Variants in FARP1 observed in about 807,000 individuals in gnomAD.
FARP1 encodes FERM, ARHGEF and pleckstrin domain-containing protein 1.
In FARP1, 52 loss-of-function variants were observed where a neutral mutation model predicts 128.8. The observed-to-expected ratio is 0.40, with a 90% CI of 0.32 to 0.51. FARP1 has a LOEUF of 0.51. Among genes scored for constraint, FARP1 ranks in the 20% least tolerant of loss-of-function variants. The pLI is 0.45. For synonymous variants in FARP1, 580 were observed against 551.8 expected (o/e 1.05, Z -0.72); for missense variants, 1,333 against 1,367.9 (o/e 0.97, Z 0.40).
chr13:98,377,817 G>T lies in FARP1; in HGVS notation c.399-4G>T. On this transcript the variant is annotated splice_polypyrimidine_tract_variant and splice_region_variant and intron_variant, in intron 5 of 26. Coordinates refer to ENST00000319562, the MANE Select transcript of FARP1 (RefSeq NM_005766.4). ...CTGACGCCCAGCTCTGTTGATCTTCGCAGGTACCTGTTCGCGCTGCAGGTG... is the reference window on the plus strand; with the variant it reads ...CTGACGCCCAGCTCTGTTGATCTTCTCAGGTACCTGTTCGCGCTGCAGGTG... 2 of 1,612,644 alleles carry T rather than the reference G, an allele frequency of 1.2e-6. No individual in the cohort carries two copies. Among genetic ancestry groups the T allele is most frequent in the Non-Finnish European group, 8.5e-7 (1 of 1,178,752 alleles).
chr13:98,348,638 G>A (rs768232563), intron 3 of FARP1, among the ~76,000 whole-genome samples: 6 of 152,248 alleles, frequency 3.9e-5, no homozygotes, highest in Admixed American at 6.5e-5. Context: ...ATCCGTAGAC[G>A]ATGTGAAATG....
intron 2 of FARP1, among the ~76,000 whole-genome samples, chr13:98,297,970 T>C (rs1021666502): frequency 6.6e-6 from 1 of 152,200 alleles, no homozygotes; most frequent in African/African-American, 2.4e-5. Context: ...CATCATCCTG[T>C]GCGTTTGCAT....
At chr13:98,445,289 G>A (rs913162959) in intron 24 of FARP1, 1 of 152,296 alleles carries the variant, frequency 6.6e-6, no homozygotes, top group Admixed American at 6.5e-5. Flanking sequence ...GCCTTTACAA[G>A]GTGGTGCAAC....
chr13:98,349,463 G>C (rs1450032962), intron 3 of FARP1, among the ~76,000 whole-genome samples: 3 of 152,026 alleles, frequency 2.0e-5, no homozygotes, highest in Non-Finnish European at 1.5e-5. Context: ...CTTGAGGTCA[G>C]GTGATTGACA....
At chr13:98,378,598 T>A (rs1031641664) in intron 6 of FARP1, among the ~76,000 whole-genome samples, 1 of 152,128 alleles carries the variant, frequency 6.6e-6, no homozygotes, top group African/African-American at 2.4e-5. Context: ...TGCTATCATA[T>A]CACCTTTTAC....
At position 98,448,591 on chromosome 13, in the gene FARP1, C is replaced by A; in HGVS notation, c.*274C>A. ...TTGTCATTACGAGAGTGCCAAATGA[C>A]ATCTTCCCTCCACCCTGCCCCTGAA... is the stretch of plus-strand genomic sequence containing the variant. On this transcript the variant is annotated 3_prime_UTR_variant, in exon 27 of 27. Transcript: ENST00000319562. 1 of 405,778 alleles carries A rather than the reference C, an allele frequency of 2.5e-6. No homozygotes were observed. Among genetic ancestry groups the A allele is most frequent in the Non-Finnish European group, 4.5e-6 (1 of 224,182 alleles). The allele number at this position is 405,778 out of a possible 1,614,324, so 25.1% of individuals were successfully genotyped here.
At chr13:98,225,213 T>TA (rs1244850082) in intron 2 of FARP1, among the ~76,000 whole-genome samples, 1 of 152,218 alleles carries the variant, frequency 6.6e-6, no homozygotes, top group Non-Finnish European at 1.5e-5. Flanking sequence ...TTAGAGCTGT[T>TA]AAACGGGACG....
intron 2 of FARP1, among the ~76,000 whole-genome samples, chr13:98,274,796 A>G (rs1356159058): frequency 6.6e-6 from 1 of 152,198 alleles, no homozygotes; most frequent in Non-Finnish European, 1.5e-5. Flanking sequence ...AATCTCACAT[A>G]TTAAAAGCTG....
At chr13:98,358,316 C>T (rs765382814) in intron 3 of FARP1, among the ~76,000 whole-genome samples, 6 of 152,076 alleles carry the variant, frequency 3.9e-5, no homozygotes, top group East Asian at 1.9e-4. Flanking sequence ...CAGGCTGGGG[C>T]GCTCACAGGG....
At chr13:98,297,506 A>G (rs187086201) in intron 2 of FARP1, among the ~76,000 whole-genome samples, 1 of 152,344 alleles carries the variant, frequency 6.6e-6, no homozygotes, top group East Asian at 1.9e-4. Flanking sequence ...AACACAGCCT[A>G]GAGAGAAAGG....
At position 98,440,708 on chromosome 13, in the gene FARP1, G is replaced by A. The variant is rs1186692621; in HGVS notation, c.2668G>A (p.Glu890Lys). The A allele has an allele frequency of 9.3e-6, 15 of 1,613,578 alleles. No homozygotes were observed. The highest frequency in any genetic ancestry group is 1.2e-5 in the Non-Finnish European group (14 of 1,179,962). Residue 890 changes from glutamate (E) to lysine (K), a missense_variant, in exon 24 of 27, where the codon GAG becomes AAG. By Grantham distance (56) the Glu-to-Lys change is moderately conservative. Coordinates refer to ENST00000319562, the MANE Select transcript of FARP1 (RefSeq NM_005766.4). The stretch of plus-strand genomic sequence containing the variant: ...AGCCACCGCGGCTGACCAGGAGTCA[G>A]AGGATGACCTGAGCGCCTCGCGCAC... ...DEATAADQES[E>K]DDLSASRTSL...
chr13:98,219,875 C>T (rs1333076308), intron 2 of FARP1, among the ~76,000 whole-genome samples: 7 of 151,832 alleles, frequency 4.6e-5, no homozygotes, highest in Admixed American at 3.9e-4. Context: ...CGCTATGTTG[C>T]CCAGGCTGGT....
chr13:98,314,621 A>C (rs1886644668), intron 2 of FARP1, among the ~76,000 whole-genome samples: 1 of 152,186 alleles, frequency 6.6e-6, no homozygotes, highest in South Asian at 2.1e-4. Context: ...GACGGCTCAA[A>C]AAAGAAAGAG....
At chr13:98,357,871 T>A (rs141302998) in intron 3 of FARP1, among the ~76,000 whole-genome samples, 1 of 152,160 alleles carries the variant, frequency 6.6e-6, no homozygotes, top group Non-Finnish European at 1.5e-5. Flanking sequence ...TTTGATCCTT[T>A]TGGATTTGGT....
chr13:98,271,977 T>C (rs1276982931), intron 2 of FARP1, among the ~76,000 whole-genome samples: 1 of 152,164 alleles, frequency 6.6e-6, no homozygotes, highest in Non-Finnish European at 1.5e-5. Flanking sequence ...GGTCAAATGG[T>C]ATTTCTAGTT....
chr13:98,160,375 G>A (rs773518182), intron 1 of FARP1, among the ~76,000 whole-genome samples: 1 of 152,106 alleles, frequency 6.6e-6, no homozygotes, highest in Non-Finnish European at 1.5e-5. Flanking sequence ...GATGACTTGG[G>A]TAGACCAGCC....
intron 1 of FARP1, among the ~76,000 whole-genome samples, chr13:98,208,265 A>T (rs1199567856): frequency 6.6e-6 from 1 of 151,184 alleles, no homozygotes; most frequent in East Asian, 1.9e-4. Context: ...TGAAGTCAGG[A>T]GTTCAAGACC....
At chr13:98,193,435 G>A (rs1879373139) in intron 1 of FARP1, among the ~76,000 whole-genome samples, 1 of 152,164 alleles carries the variant, frequency 6.6e-6, no homozygotes, top group African/African-American at 2.4e-5. Context: ...CAGAGTGCGT[G>A]GGATCGTAGT....
At chr13:98,235,197 CCTT>C (rs1412900646) in intron 2 of FARP1, among the ~76,000 whole-genome samples, 2 of 152,078 alleles carry the variant, frequency 1.3e-5, no homozygotes, top group African/African-American at 4.8e-5. Context: ...CCCCTGAACA[CCTT>C]CATCAGTTTT....
Sources: allele counts gnomAD v4.1 joint callset (sites outside exome capture counted in the v4.1 genomes callset), GRCh38; gene constraint gnomAD v4.1.1; transcripts MANE v1.5; gene names NCBI Gene and HGNC (gene_info 2026-07-23, HGNC 2026-07-21).